CHCHD3: variants seen among roughly 807,000 people sequenced by gnomAD.
The protein encoded by CHCHD3 is MICOS complex subunit MIC19.
Under a neutral mutation model 38.2 loss-of-function variants are expected in CHCHD3, and 20 were observed. The observed-to-expected ratio is 0.52, with a 90% CI of 0.37 to 0.76. The LOEUF is 0.76. Ranked by LOEUF, CHCHD3 falls within the 30% of genes least tolerant of loss-of-function variation. The pLI, the probability that CHCHD3 is intolerant of heterozygous loss-of-function variation, is 0.00. For missense variants in CHCHD3, 245 were observed against 279.2 expected, an observed-to-expected ratio of 0.88 and a Z score of 0.87; for synonymous variants, 82 against 100.0, an observed-to-expected ratio of 0.82 and a Z score of 1.07.
chr7:133,073,445 C>A (rs1814886622), intron 1 of CHCHD3, among the ~76,000 whole-genome samples: 1 of 152,162 alleles, frequency 6.6e-6, no homozygotes, highest in Non-Finnish European at 1.5e-5. Flanking sequence ...ACTGAAGTGC[C>A]TAATGAACAC....
chr7:132,890,404 A>T (rs192775612), intron 4 of CHCHD3, among the ~76,000 whole-genome samples: 1 of 152,310 alleles, frequency 6.6e-6, no homozygotes, highest in Admixed American at 6.5e-5. Context: ...GTCCAGGCTA[A>T]ATCTTCATAG....
intron 4 of CHCHD3, among the ~76,000 whole-genome samples, chr7:132,890,697 G>C (rs1161892848): frequency 1.3e-5 from 2 of 152,162 alleles, no homozygotes; most frequent in Non-Finnish European, 2.9e-5. Flanking sequence ...AACTTTCCAT[G>C]AGATAAGACT....
At chr7:132,816,167 T>C (rs1807196728) in intron 6 of CHCHD3, among the ~76,000 whole-genome samples, 1 of 152,196 alleles carries the variant, frequency 6.6e-6, no homozygotes, top group African/African-American at 2.4e-5. Context: ...AATAAGCACC[T>C]TGCCATACAA....
At chr7:133,081,691 T>A (rs1168280790) in intron 1 of CHCHD3, among the ~76,000 whole-genome samples, 166 bp downstream of exon 1, 1 of 152,238 alleles carries the variant, frequency 6.6e-6, no homozygotes, top group African/African-American at 2.4e-5. Context: ...TCTGAATGAA[T>A]GTCCCACGTC....
At chr7:132,978,694 G>C (rs1236048690) in intron 3 of CHCHD3, among the ~76,000 whole-genome samples, 1 of 152,176 alleles carries the variant, frequency 6.6e-6, no homozygotes, top group Non-Finnish European at 1.5e-5. Flanking sequence ...TGGCACATCT[G>C]TGATATAATC....
At chr7:133,072,259 AC>A (rs1814844329) in intron 1 of CHCHD3, among the ~76,000 whole-genome samples, 1 of 12,286 alleles carries the variant, frequency 8.1e-5, no homozygotes, top group Non-Finnish European at 4.6e-4. Context: ...ACTTTAATAA[AC>A]TTTAAAAAAA....
chr7:132,853,311 T>C (rs974726694), intron 5 of CHCHD3, among the ~76,000 whole-genome samples: 8 of 152,072 alleles, frequency 5.3e-5, no homozygotes, highest in Non-Finnish European at 1.0e-4. Flanking sequence ...TTTTGACATA[T>C]AAAAGGTGAC....
intron 4 of CHCHD3, among the ~76,000 whole-genome samples, chr7:132,942,999 T>C (rs1156842556): frequency 6.6e-6 from 1 of 151,984 alleles, no homozygotes; most frequent in Non-Finnish European, 1.5e-5. Flanking sequence ...AAGCCAACAA[T>C]GAGAAGAAAA....
intron 2 of CHCHD3, among the ~76,000 whole-genome samples, chr7:133,053,933 G>C (rs1814239266): frequency 6.6e-6 from 1 of 152,090 alleles, no homozygotes; most frequent in African/African-American, 2.4e-5. Flanking sequence ...GAAACCACTA[G>C]TCCCCACAAT....
At chr7:133,072,821 G>A (rs1322069841) in intron 1 of CHCHD3, among the ~76,000 whole-genome samples, 7 of 105,484 alleles carry the variant, frequency 6.6e-5, no homozygotes, top group Non-Finnish European at 1.0e-4. Flanking sequence ...GTGAGACTCC[G>A]TCTCAAAAAA....
At chr7:133,013,911 T>C (rs544927537) in intron 3 of CHCHD3, among the ~76,000 whole-genome samples, 10 of 152,322 alleles carry the variant, frequency 6.6e-5, no homozygotes, top group African/African-American at 2.4e-4. Context: ...TATCCATGTT[T>C]TCAGTTGTTT....
intron 5 of CHCHD3, among the ~76,000 whole-genome samples, chr7:132,879,554 T>C (rs750873118): frequency 6.6e-5 from 10 of 151,870 alleles, no homozygotes; most frequent in Non-Finnish European, 1.3e-4. Flanking sequence ...GGAAGACCCA[T>C]GGGAGACTGT....
At chr7:132,846,419 G>T (rs955886363) in intron 5 of CHCHD3, among the ~76,000 whole-genome samples, 1 of 152,236 alleles carries the variant, frequency 6.6e-6, no homozygotes, top group Non-Finnish European at 1.5e-5. Flanking sequence ...TGCAGAATCA[G>T]GATGTGAGTA....
At chr7:132,985,665 T>C (rs1188571115) in intron 3 of CHCHD3, among the ~76,000 whole-genome samples, 3 of 28,608 alleles carry the variant, frequency 1.0e-4, no homozygotes, top group African/African-American at 1.4e-4. Flanking sequence ...AGCCGCCCCA[T>C]CCGGGAGGGA....
intron 5 of CHCHD3, among the ~76,000 whole-genome samples, chr7:132,875,281 G>A (rs1385858529): frequency 6.6e-6 from 1 of 152,002 alleles, no homozygotes; most frequent in Non-Finnish European, 1.5e-5. Flanking sequence ...AAAATTATTT[G>A]GCCATGGAAC....
At chr7:132,811,360 T>C (rs1807064219) in intron 6 of CHCHD3, among the ~76,000 whole-genome samples, 1 of 152,250 alleles carries the variant, frequency 6.6e-6, no homozygotes, top group Non-Finnish European at 1.5e-5. Flanking sequence ...TGTCCCAACA[T>C]GGTGGTCACA....
chr7:132,938,845 C>T (rs551552477), intron 4 of CHCHD3, among the ~76,000 whole-genome samples: 1 of 152,244 alleles, frequency 6.6e-6, no homozygotes, highest in African/African-American at 2.4e-5. Context: ...GCTGCGAGGT[C>T]TACACAACCC....
chr7:132,902,576 C>T (rs1212104681), intron 4 of CHCHD3, among the ~76,000 whole-genome samples: 1 of 152,046 alleles, frequency 6.6e-6, no homozygotes, highest in African/African-American at 2.4e-5. Context: ...GGACAGAAAA[C>T]CAAACACCAC....
chr7:132,937,618 A>G (rs1433584016), intron 4 of CHCHD3, among the ~76,000 whole-genome samples: 1 of 152,202 alleles, frequency 6.6e-6, no homozygotes, highest in Non-Finnish European at 1.5e-5. Flanking sequence ...CTGCATTATA[A>G]TTGTATTCAT....
Sources: gnomAD v4.1 joint callset for allele counts (sites outside exome capture counted in the v4.1 genomes callset) on GRCh38, gnomAD v4.1.1 for gene constraint, MANE v1.5 for transcripts, NCBI Gene and HGNC (gene_info 2026-07-23, HGNC 2026-07-21) for gene names.